MECOM: variants seen among roughly 807,000 people sequenced by gnomAD.
MECOM encodes MDS1 and EVI1 complex locus, also known as histone-lysine N-methyltransferase MECOM.
Under a neutral mutation model 116.3 loss-of-function variants are expected in MECOM, and 13 were observed. That is an observed-to-expected ratio of 0.11 (90% CI 0.07 to 0.18). MECOM has a LOEUF of 0.18. MECOM is among the 10% of genes least tolerant of loss of function. The pLI, the probability that MECOM is intolerant of heterozygous loss-of-function variation, is 1.00. For missense variants in MECOM, 1,299 were observed against 1,509.0 expected, an observed-to-expected ratio of 0.86 and a Z score of 2.31; for synonymous variants, 528 against 535.2, an observed-to-expected ratio of 0.99 and a Z score of 0.19.
intron 2 of MECOM, among the ~76,000 whole-genome samples, chr3:169,191,979 C>T (rs1747766002): frequency 6.6e-6 from 1 of 151,946 alleles, no homozygotes; most frequent in Non-Finnish European, 1.5e-5. Flanking sequence ...TGGAGTAAGC[C>T]TGTAAGTACC....
At position 169,387,309 on chromosome 3, in the gene MECOM, G is replaced by GA. The variant is rs1377228075; in HGVS notation, c.38-5786dup. ...TTGAGCGCCTGTGAACGGCAGGCTA[G>GA]AAAAAAATGCCATTTCACTCGTAAT... On this transcript the variant is annotated intron_variant, in intron 1 of 16. Coordinates refer to ENST00000651503, the MANE Select transcript of MECOM (RefSeq NM_004991.4). Among the ~76,000 whole-genome samples the GA allele has an allele frequency of 1.3e-4, 20 of 152,296 alleles. No individual in the cohort carries two copies. In the South Asian group the frequency reaches 1.7e-3, roughly 13 times the overall value.
At chr3:169,198,729 A>G (rs1748768498) in intron 2 of MECOM, among the ~76,000 whole-genome samples, 1 of 152,036 alleles carries the variant, frequency 6.6e-6, no homozygotes, top group South Asian at 2.1e-4. Context: ...CAATTACTGT[A>G]CTAGGCAGTG....
chr3:169,566,261 G>C (rs1348953798), intron 1 of MECOM, among the ~76,000 whole-genome samples: 1 of 152,064 alleles, frequency 6.6e-6, no homozygotes, highest in Non-Finnish European at 1.5e-5. Flanking sequence ...ATATCACCTG[G>C]GGAAGAGTTT....
At chr3:169,278,440 C>A (rs1759880839) in intron 2 of MECOM, among the ~76,000 whole-genome samples, 1 of 152,188 alleles carries the variant, frequency 6.6e-6, no homozygotes. Context: ...ACAGTGAATG[C>A]AGTAAACCAA....
chr3:169,090,377 T>A, intron 14 of MECOM, 141 bp from the exon 15 acceptor site: 3 of 697,690 alleles, frequency 4.3e-6, no homozygotes, highest in Non-Finnish European at 4.6e-6. Context: ...ATGCTCTACG[T>A]CAACCATGAA....
intron 1 of MECOM, among the ~76,000 whole-genome samples, chr3:169,605,213 C>T (rs1330755715): frequency 6.6e-6 from 1 of 152,146 alleles, no homozygotes; most frequent in African/African-American, 2.4e-5. Context: ...AAGTAACTGC[C>T]AGCCAGTAGA....
At chr3:169,635,945 T>A (rs1772695438) in intron 1 of MECOM, among the ~76,000 whole-genome samples, 1 of 152,200 alleles carries the variant, frequency 6.6e-6, no homozygotes, top group Admixed American at 6.5e-5. Flanking sequence ...AATGCACAAT[T>A]TTACATTTGT....
At chr3:169,327,659 A>C (rs1560136433) in intron 2 of MECOM, among the ~76,000 whole-genome samples, 3 of 149,342 alleles carry the variant, frequency 2.0e-5, no homozygotes, top group Admixed American at 2.0e-4. Flanking sequence ...AAAAAAAAAG[A>C]AAAAAAAGCA....
chr3:169,533,125 A>G (rs984487357), intron 1 of MECOM, among the ~76,000 whole-genome samples: 3 of 152,044 alleles, frequency 2.0e-5, no homozygotes, highest in Admixed American at 2.0e-4. Context: ...GTATTATCCA[A>G]TGTTCTGCTT....
intron 1 of MECOM, among the ~76,000 whole-genome samples, chr3:169,414,043 G>A (rs1738074370): frequency 6.6e-6 from 1 of 152,196 alleles, no homozygotes; most frequent in African/African-American, 2.4e-5. Context: ...TCTGCTAAGG[G>A]GCAGACTGCC....
rs533970744 is a variant in MECOM at position 169,590,825 on chromosome 3, A to C, written c.37+72511T>G. Among the ~76,000 whole-genome samples the C allele has an allele frequency of 2.6e-5, 4 of 152,362 alleles. No homozygotes were observed. In the East Asian group the frequency reaches 7.7e-4, roughly 29 times the overall value. On this transcript the variant is annotated intron_variant, in intron 1 of 16. Coordinates refer to ENST00000651503, the MANE Select transcript of MECOM (RefSeq NM_004991.4). ...TATTAAACTGGAAGTGATCATGTGA[A>C]ATCAGTTTTAGCTAAGATACTAATC...
intron 2 of MECOM, among the ~76,000 whole-genome samples, chr3:169,280,771 A>G (rs1711778325): frequency 2.0e-5 from 3 of 152,200 alleles, no homozygotes; most frequent in Non-Finnish European, 4.4e-5. Context: ...ATTGTATTTT[A>G]GACAGAAAGA....
intron 1 of MECOM, among the ~76,000 whole-genome samples, chr3:169,530,878 T>A (rs75419742): frequency 0.045 from 6,876 of 151,348 alleles, 256 homozygotes; most frequent in African/African-American, 0.11. Context: ...CTACCATTTA[T>A]TGAAAATTCA....
chr3:169,558,115 T>C (rs1003213216), intron 1 of MECOM, among the ~76,000 whole-genome samples: 18 of 152,226 alleles, frequency 1.2e-4, no homozygotes, highest in African/African-American at 4.3e-4. Context: ...TCATTCCAAA[T>C]GGTTCTCCCT....
At chr3:169,154,097 GTC>G (rs1560288590) in intron 2 of MECOM, among the ~76,000 whole-genome samples, 3 of 152,080 alleles carry the variant, frequency 2.0e-5, no homozygotes, top group East Asian at 3.9e-4. Context: ...GAAGATGTCC[GTC>G]TCTGTCTGGC....
chr3:169,378,452 G>A (rs56029720), intron 2 of MECOM, among the ~76,000 whole-genome samples: 41,464 of 63,220 alleles, frequency 0.66, 13,790 homozygotes, highest in African/African-American at 0.74. Flanking sequence ...AAAGAAAGAA[G>A]GAAAGCAAGC....
At chr3:169,103,806 G>A (rs528290006) in intron 10 of MECOM, among the ~76,000 whole-genome samples, 1 of 152,250 alleles carries the variant, frequency 6.6e-6, no homozygotes, top group East Asian at 1.9e-4. Flanking sequence ...GCCTGAACAT[G>A]ATCTCTTCTC....
intron 9 of MECOM, among the ~76,000 whole-genome samples, chr3:169,111,146 C>T (rs978031176): frequency 2.6e-5 from 4 of 152,030 alleles, no homozygotes; most frequent in Admixed American, 2.0e-4. Flanking sequence ...ACCTTACACC[C>T]GACTCTCTCA....
intron 2 of MECOM, among the ~76,000 whole-genome samples, chr3:169,306,072 T>C (rs1204457446): frequency 6.6e-6 from 1 of 152,210 alleles, no homozygotes; most frequent in Non-Finnish European, 1.5e-5. Context: ...AACATATTAA[T>C]TCAATATTAC....
Sources: allele counts gnomAD v4.1 joint callset (sites outside exome capture counted in the v4.1 genomes callset), GRCh38; gene constraint gnomAD v4.1.1; transcripts MANE v1.5; gene names NCBI Gene and HGNC (gene_info 2026-07-23, HGNC 2026-07-21).